The following PLXDC2 variants were observed in gnomAD, a reference collection of about 807,000 sequenced individuals.
PLXDC2 encodes the protein plexin domain containing 2, also known as plexin domain-containing protein 2.
Under a neutral mutation model 68.9 loss-of-function variants are expected in PLXDC2, and 40 were observed. That is an observed-to-expected ratio of 0.58 (90% CI 0.45 to 0.76). The LOEUF (loss-of-function observed/expected upper bound fraction) is 0.76. Ranked by LOEUF, PLXDC2 falls within the 30% of genes least tolerant of loss-of-function variation. The probability of loss-of-function intolerance (pLI) is 0.00; values close to 1 mark genes in which losing one functional copy is unlikely to be tolerated. For synonymous variants in PLXDC2, 243 were observed against 234.2 expected, an observed-to-expected ratio of 1.04 and a Z score of -0.34; for missense variants, 644 against 661.9, an observed-to-expected ratio of 0.97 and a Z score of 0.30.
At chr10:20,005,521 A>T (rs948763855) in intron 2 of PLXDC2, among the ~76,000 whole-genome samples, 4 of 152,108 alleles carry the variant, frequency 2.6e-5, no homozygotes, top group Non-Finnish European at 5.9e-5. Flanking sequence ...TAAAGAGAAG[A>T]GGTTGATTTA....
At chr10:20,190,920 G>A (rs1203115344) in intron 9 of PLXDC2, among the ~76,000 whole-genome samples, 15 of 151,760 alleles carry the variant, frequency 9.9e-5, no homozygotes. Flanking sequence ...TTCTTAATAG[G>A]AACATCCTAC....
intron 4 of PLXDC2, among the ~76,000 whole-genome samples, chr10:20,121,345 A>G (rs1186520645): frequency 6.6e-6 from 1 of 152,156 alleles, no homozygotes; most frequent in Non-Finnish European, 1.5e-5. Flanking sequence ...AAGAATTCTG[A>G]CCGCACTAAC....
chr10:20,164,639 C>T (rs2131815115), intron 7 of PLXDC2, 72 bp downstream of exon 7: 1 of 1,133,716 alleles, frequency 8.8e-7, no homozygotes, highest in East Asian at 2.4e-5. Flanking sequence ...TGGTCTATGG[C>T]AGCTGTACCT....
At chr10:19,972,789 A>T (rs1350938281) in intron 1 of PLXDC2, among the ~76,000 whole-genome samples, 2 of 152,186 alleles carry the variant, frequency 1.3e-5, no homozygotes, top group African/African-American at 2.4e-5. Context: ...TTGAAATAAG[A>T]AGGAAGTGGT....
rs77980584 is a variant in PLXDC2 at position 20,204,981 on chromosome 10, A to G, written c.1062-6688A>G. Among the ~76,000 whole-genome samples, 1,045 of 152,314 alleles carry G rather than the reference A, an allele frequency of 6.9e-3. 11 individuals carry two copies. The highest frequency in any genetic ancestry group is 0.022 in the African/African-American group (910 of 41,576). ...ACATGTTCAATTGCTCAGTAAGACA[A>G]GCACTTCATTTTTGATCCTTATGTA... On this transcript the variant is annotated intron_variant, in intron 9 of 13. Coordinates refer to ENST00000377252, the MANE Select transcript of PLXDC2 (RefSeq NM_032812.9).
chr10:19,917,768 C>G (rs60442550), intron 1 of PLXDC2, among the ~76,000 whole-genome samples: 3,535 of 152,240 alleles, frequency 0.023, 133 homozygotes, highest in African/African-American at 0.08. Context: ...TTAAAACCTA[C>G]TCATCTGAAT....
chr10:20,170,518 A>G (rs1372188314), intron 7 of PLXDC2, among the ~76,000 whole-genome samples: 3 of 152,190 alleles, frequency 2.0e-5, no homozygotes, highest in African/African-American at 7.2e-5. Context: ...AATTACTTTT[A>G]GACAGTGAAT....
intron 1 of PLXDC2, among the ~76,000 whole-genome samples, chr10:19,830,891 A>G (rs895657890): frequency 6.6e-6 from 1 of 152,166 alleles, no homozygotes; most frequent in Non-Finnish European, 1.5e-5. Flanking sequence ...TGAGAAATCC[A>G]TCAAAGTGTT....
At chr10:20,030,437 C>T (rs1835483975) in intron 2 of PLXDC2, among the ~76,000 whole-genome samples, 1 of 152,192 alleles carries the variant, frequency 6.6e-6, no homozygotes, top group South Asian at 2.1e-4. Flanking sequence ...TTCTTAGATT[C>T]TGTCACTTTA....
chr10:20,109,111 T>C (rs772408583), intron 4 of PLXDC2, among the ~76,000 whole-genome samples: 1 of 152,204 alleles, frequency 6.6e-6, no homozygotes, highest in Non-Finnish European at 1.5e-5. Flanking sequence ...AATGCTAACC[T>C]GGCGCTCAGG....
rs1276982940 is a variant in PLXDC2 at position 20,014,611 on chromosome 10, G to A, written c.324+12625G>A. Among the ~76,000 whole-genome samples the A allele has an allele frequency of 2.0e-5, 3 of 151,888 alleles. No homozygotes were observed. In the East Asian group the frequency reaches 5.8e-4, roughly 29 times the overall value. ...TAAAATGGAAATTAAAATTACTTTT[G>A]CCGTGAGAGTCAAAATGTTATTTTG... On this transcript the variant is annotated intron_variant, in intron 2 of 13. Coordinates refer to ENST00000377252, the MANE Select transcript of PLXDC2 (RefSeq NM_032812.9).
intron 1 of PLXDC2, among the ~76,000 whole-genome samples, chr10:19,898,677 G>A (rs1313055467): frequency 6.6e-6 from 1 of 152,168 alleles, no homozygotes; most frequent in Non-Finnish European, 1.5e-5. Context: ...TTCTGGATCA[G>A]TGGAAGTTGA....
chr10:19,832,866 T>C (rs1836721327), intron 1 of PLXDC2, among the ~76,000 whole-genome samples: 1 of 152,172 alleles, frequency 6.6e-6, no homozygotes, highest in Non-Finnish European at 1.5e-5. Flanking sequence ...AAAGGACGCT[T>C]TTGACGCCAG....
chr10:19,930,132 T>G (rs1201253205), intron 1 of PLXDC2, among the ~76,000 whole-genome samples: 3 of 152,176 alleles, frequency 2.0e-5, no homozygotes, highest in African/African-American at 7.2e-5. Context: ...CAAATTCCCT[T>G]AATGTCATTT....
intron 1 of PLXDC2, among the ~76,000 whole-genome samples, chr10:19,968,257 G>A (rs1475371966): frequency 1.3e-5 from 2 of 152,290 alleles, no homozygotes; most frequent in African/African-American, 4.8e-5. Context: ...TATGGTGGAA[G>A]GAATTCTTGT....
At chr10:20,240,684 A>T (rs976351313) in intron 12 of PLXDC2, among the ~76,000 whole-genome samples, 5 of 137,982 alleles carry the variant, frequency 3.6e-5, no homozygotes, top group Admixed American at 3.0e-4. Flanking sequence ...TGTACTGTGT[A>T]GGAAATTGTA....
At chr10:20,050,410 A>G (rs750765539) in intron 3 of PLXDC2, among the ~76,000 whole-genome samples, 4 of 152,040 alleles carry the variant, frequency 2.6e-5, no homozygotes, top group Non-Finnish European at 5.9e-5. Flanking sequence ...GAAACTATCA[A>G]TAGGGTAAAG....
At chr10:19,996,382 G>A (rs973932715) in intron 1 of PLXDC2, among the ~76,000 whole-genome samples, 1 of 152,170 alleles carries the variant, frequency 6.6e-6, no homozygotes, top group Admixed American at 6.5e-5. Context: ...AGGGGTTTGA[G>A]GCCAGCCTGG....
intron 1 of PLXDC2, among the ~76,000 whole-genome samples, chr10:19,859,291 C>T (rs563008290): frequency 1.3e-5 from 2 of 152,000 alleles, no homozygotes; most frequent in African/African-American, 2.4e-5. Context: ...AAAAAACAAA[C>T]CATATTCACA....
Sources: allele counts gnomAD v4.1 joint callset (sites outside exome capture counted in the v4.1 genomes callset), GRCh38; gene constraint gnomAD v4.1.1; transcripts MANE v1.5; gene names NCBI Gene and HGNC (gene_info 2026-07-23, HGNC 2026-07-21).